The following CLIP1 variants were observed in gnomAD, a reference collection of about 807,000 sequenced individuals.
CLIP1 encodes the protein CAP-Gly domain-containing linker protein 1.
Under a neutral mutation model 161.6 loss-of-function variants are expected in CLIP1, and 66 were observed. The ratio of observed to expected loss-of-function variants is 0.41; its 90% CI spans 0.33 to 0.50. The LOEUF (loss-of-function observed/expected upper bound fraction) is 0.50. Among genes scored for constraint, CLIP1 ranks in the 20% least tolerant of loss-of-function variants. The pLI, the probability that CLIP1 is intolerant of heterozygous loss-of-function variation, is 0.27. For missense variants in CLIP1, 1,376 were observed against 1,702.0 expected, an observed-to-expected ratio of 0.81 and a Z score of 3.37; for synonymous variants, 598 against 626.2, an observed-to-expected ratio of 0.96 and a Z score of 0.67.
At chr12:122,352,994 TAA>T (rs55873939) in intron 7 of CLIP1, among the ~76,000 whole-genome samples, 16 of 138,154 alleles carry the variant, frequency 1.2e-4, no homozygotes, top group Non-Finnish European at 1.3e-4. Context: ...TCCTTATATT[TAA>T]AAAAAAAAAA....
At chr12:122,373,021 G>A (rs529749411) in intron 3 of CLIP1, among the ~76,000 whole-genome samples, 21 of 152,252 alleles carry the variant, frequency 1.4e-4, no homozygotes, top group Non-Finnish European at 2.6e-4. Context: ...TATACTGCTC[G>A]GAAGATGGGT....
intron 21 of CLIP1, among the ~76,000 whole-genome samples, chr12:122,287,146 C>G (rs1955891972): frequency 6.6e-6 from 1 of 151,952 alleles, no homozygotes; most frequent in African/African-American, 2.4e-5. Context: ...TGCACTCCAA[C>G]TGGGGAGACA....
chr12:122,334,471 T>G (rs117961526), intron 13 of CLIP1, among the ~76,000 whole-genome samples, 177 bp downstream of exon 13: 1 of 152,102 alleles, frequency 6.6e-6, no homozygotes, highest in Admixed American at 6.6e-5. Context: ...AAGAAAAAAT[T>G]GGGAGTTTGA....
At chr12:122,340,527 G>A (rs1279906330) in intron 11 of CLIP1, among the ~76,000 whole-genome samples, 1 of 152,060 alleles carries the variant, frequency 6.6e-6, no homozygotes. Flanking sequence ...CAGATAACAG[G>A]CAACCAAAAT....
chr12:122,321,975 G>A (rs1047055041), intron 17 of CLIP1: 1 of 152,198 alleles, frequency 6.6e-6, no homozygotes, highest in South Asian at 2.1e-4. Context: ...GTAACGAACA[G>A]CTTGAGACAT....
At chr12:122,402,514 G>A (rs1236814550) in intron 1 of CLIP1, among the ~76,000 whole-genome samples, 1 of 151,952 alleles carries the variant, frequency 6.6e-6, no homozygotes, top group African/African-American at 2.4e-5. Context: ...GCTGGTTCAT[G>A]CCTGTAATCC....
chr12:122,278,181 G>A lies in CLIP1; in HGVS notation c.3939C>T (p.Asp1313=), dbSNP rs369757555. 99 of 1,597,480 alleles carry A rather than the reference G, an allele frequency of 6.2e-5. 1 individual carries two copies. Among genetic ancestry groups the A allele is most frequent in the South Asian group, 3.3e-5 (3 of 90,740 alleles). The part of the protein sequence containing the change: ...SSSGNTDTQA[D]EDERAQESQI... ...GACTCTCCTGGGCTCTTTCATCCTCGTCTGCCTGAGTGTCTGTATTACCTT... is the reference window on the plus strand; with the variant it reads ...GACTCTCCTGGGCTCTTTCATCCTCATCTGCCTGAGTGTCTGTATTACCTT... The change falls in exon 24 of 26, where the codon GAC becomes GAT. Residue 1313 remains aspartate, a synonymous_variant. Coordinates refer to ENST00000620786, the MANE Select transcript of CLIP1 (RefSeq NM_001247997.2).
chr12:122,360,498 G>A (rs1953723412), intron 5 of CLIP1, among the ~76,000 whole-genome samples: 1 of 151,854 alleles, frequency 6.6e-6, no homozygotes, highest in South Asian at 2.1e-4. Flanking sequence ...GAGGCAGCAG[G>A]ACTGCTTGAG....
intron 1 of CLIP1, among the ~76,000 whole-genome samples, chr12:122,413,847 T>C (rs865837409): frequency 6.9e-4 from 105 of 151,816 alleles, no homozygotes; most frequent in African/African-American, 2.5e-3. Flanking sequence ...AATATGTCCT[T>C]CTGGAAGTGC....
intron 3 of CLIP1, among the ~76,000 whole-genome samples, chr12:122,365,115 T>TCCCTATGA (rs1566178980): frequency 6.6e-6 from 1 of 151,784 alleles, no homozygotes; most frequent in African/African-American, 2.4e-5. Context: ...GGGATAGCAT[T>TCCCTATGA]AGGAGATATA....
Position 122,356,862 on chromosome 12 carries a change from G to C in CLIP1, c.1006-1550C>G, listed in dbSNP as rs921115757. On this transcript the variant is annotated intron_variant, in intron 5 of 25. Transcript: ENST00000620786. ...GCTGTGTTGGCCGGGCTGGTCTCCA[G>C]CTCCTAACTGCGAGTGATCCGCCAG... Among the ~76,000 whole-genome samples, 16 of 152,342 alleles carry C rather than the reference G, an allele frequency of 1.1e-4. No individual in the cohort carries two copies. The South Asian group carries it at 3.3e-3, about 32-fold the overall frequency.
chr12:122,356,860 C>T (rs1290332856), intron 5 of CLIP1, among the ~76,000 whole-genome samples: 2 of 152,358 alleles, frequency 1.3e-5, no homozygotes, highest in East Asian at 1.9e-4. Flanking sequence ...GGCTGGTCTC[C>T]AGCTCCTAAC....
chr12:122,275,767 C>G (rs1232419314), intron 24 of CLIP1: 1 of 152,102 alleles, frequency 6.6e-6, no homozygotes, highest in East Asian at 1.9e-4. Context: ...ATGGAAATTT[C>G]CTTCAGACTC....
chr12:122,364,567 A>G lies in CLIP1; in HGVS notation c.658-460T>C, dbSNP rs149044573. On this transcript the variant is annotated intron_variant, in intron 3 of 25. Transcript: ENST00000620786. ...ACAGGTGCACACCACCAAACAGGCT[A>G]TTTTTTTTTGTATTTTTTGTGGAGA... is the stretch of plus-strand genomic sequence containing the variant. Among the ~76,000 whole-genome samples, 815 of 150,382 alleles carry G rather than the reference A, an allele frequency of 5.4e-3. 7 individuals are homozygous for G. Among genetic ancestry groups the G allele is most frequent in the African/African-American group, 0.019 (778 of 41,026 alleles).
chr12:122,340,065 G>A (rs1055428707), intron 11 of CLIP1, among the ~76,000 whole-genome samples: 5 of 150,796 alleles, frequency 3.3e-5, no homozygotes, highest in African/African-American at 9.7e-5. Context: ...AGGAGGAGAT[G>A]ATCTTTTAAG....
At chr12:122,303,970 C>T (rs986401645) in intron 20 of CLIP1, among the ~76,000 whole-genome samples, 13 of 152,292 alleles carry the variant, frequency 8.5e-5, no homozygotes, top group Admixed American at 7.8e-4. Flanking sequence ...GGGCCAGCTC[C>T]GTGCAGACGT....
upstream of CLIP1, chr12:122,422,773 C>T (rs1463655510): frequency 1.8e-5 from 2 of 108,976 alleles, no homozygotes; most frequent in African/African-American, 5.4e-5. Flanking sequence ...CCCTGCGGCC[C>T]GCGCCCGGCC....
In CLIP1 at chr12:122,352,763, C is replaced by T. The variant is rs377032474; in HGVS notation, c.1331G>A (p.Arg444Gln). ...EKRKVEDLQF[R>Q]VEEESITKGD... Reference sequence around the variant, plus strand: ...TTTGGTAATTGATTCTTCTTCAACCCGGAACTGAAGGTCCTCAACCTTCCT... The same window carrying T: ...TTTGGTAATTGATTCTTCTTCAACCTGGAACTGAAGGTCCTCAACCTTCCT... The change falls in exon 8 of 26, where the codon CGG (arginine) becomes CAG (glutamine). Residue 444 changes from arginine (R) to glutamine (Q), a missense_variant. Around this residue, in one of 6 missense-constraint regions of CLIP1, gnomAD observed 5 missense variants for 28.3 expected, o/e 0.18. Transcript: ENST00000620786. 1.7e-4 allele frequency: 276 copies of T among 1,613,942 alleles called. No homozygotes were observed. Among genetic ancestry groups the T allele is most frequent in the South Asian group, 5.9e-4 (54 of 91,070 alleles).
intron 15 of CLIP1, among the ~76,000 whole-genome samples, chr12:122,329,641 T>A (rs1951858137): frequency 6.8e-6 from 1 of 146,356 alleles, no homozygotes. Flanking sequence ...AAAAAAAAAA[T>A]TAATTAATTA....
Sources: allele counts gnomAD v4.1 joint callset (sites outside exome capture counted in the v4.1 genomes callset), GRCh38; gene constraint gnomAD v4.1.1; regional missense constraint gnomAD v4.1.1; transcripts MANE v1.5; gene names NCBI Gene and HGNC (gene_info 2026-07-23, HGNC 2026-07-21).